CSMD3: variants seen among roughly 807,000 people sequenced by gnomAD.
CSMD3 encodes the protein CUB and Sushi multiple domains 3.
In CSMD3, 177 loss-of-function variants were observed where a neutral mutation model predicts 435.2. The observed-to-expected ratio is 0.41, with a 90% confidence interval of 0.36 to 0.46. The LOEUF (loss-of-function observed/expected upper bound fraction) is 0.46, where lower values mean the gene tolerates loss of function less well. Ranked by LOEUF, CSMD3 falls within the 20% of genes least tolerant of loss-of-function variation. CSMD3 has a pLI of 0.34. For synonymous variants in CSMD3, 1,656 were observed against 1,520.5 expected, an observed-to-expected ratio of 1.09 and a Z score of -2.07; for missense variants, 4,265 against 4,504.6, an observed-to-expected ratio of 0.95 and a Z score of 1.52.
chr8:113,111,407 T>G (rs543759837), intron 4 of CSMD3, among the ~76,000 whole-genome samples: 17 of 152,144 alleles, frequency 1.1e-4, no homozygotes, highest in Non-Finnish European at 2.1e-4. Context: ...TGTTATTGCC[T>G]GTAGACTCCC....
intron 22 of CSMD3, among the ~76,000 whole-genome samples, chr8:112,613,641 G>C (rs1014484293): frequency 6.6e-6 from 1 of 152,118 alleles, no homozygotes; most frequent in Non-Finnish European, 1.5e-5. Flanking sequence ...ATACTATGGA[G>C]TGATTGTAGG....
chr8:112,287,276 A>T (rs754798012), intron 57 of CSMD3, 30 bp from the exon 58 acceptor site: 2 of 1,609,194 alleles, frequency 1.2e-6, no homozygotes, highest in Non-Finnish European at 1.7e-6. Context: ...AAGTTAACCA[A>T]TTCCCATAAA....
rs967217750 is a variant in CSMD3 at position 112,408,540 on chromosome 8, T to C, written c.5510-127A>G. On this transcript the variant is annotated intron_variant, in intron 33 of 70. Transcript: ENST00000297405. ...TATGTTCTATCAAATTACTTTAAAATATCCTACAACTACCAATATATTTCC... is the reference window on the plus strand; with the variant it reads ...TATGTTCTATCAAATTACTTTAAAACATCCTACAACTACCAATATATTTCC... 8 of 734,784 alleles carry C rather than the reference T, an allele frequency of 1.1e-5. No individual in the cohort carries two copies. The Admixed American group carries it at 1.4e-4, about 13-fold the overall frequency. 45.5% of individuals were successfully genotyped at this position (734,784 alleles called of 1,614,324 possible). A position where few individuals can be genotyped will look rare whatever the true frequency, so the allele number is the denominator to read the frequency against.
intron 70 of CSMD3, 141 bp downstream of exon 70, chr8:112,228,615 A>G (rs1812793212): frequency 1.3e-6 from 1 of 794,896 alleles, no homozygotes; most frequent in Non-Finnish European, 2.0e-6. Flanking sequence ...TAAATTTTTC[A>G]GTGTCTATGA....
intron 6 of CSMD3, among the ~76,000 whole-genome samples, chr8:113,009,340 T>C (rs566012581): frequency 6.6e-6 from 1 of 151,874 alleles, no homozygotes; most frequent in South Asian, 2.1e-4. Context: ...TCCTGAGATA[T>C]TAAGTAATCT....
At chr8:113,005,495 AT>A (rs1048221995) in intron 6 of CSMD3, among the ~76,000 whole-genome samples, 9 of 152,144 alleles carry the variant, frequency 5.9e-5, no homozygotes, top group African/African-American at 1.7e-4. Context: ...CTTAAAAAAA[AT>A]GTAACATCAA....
At chr8:112,869,880 T>G (rs2081083003) in intron 10 of CSMD3, among the ~76,000 whole-genome samples, 2 of 151,868 alleles carry the variant, frequency 1.3e-5, no homozygotes, top group South Asian at 4.2e-4. Context: ...CCGGGCCTGT[T>G]GGGGTGGGGG....
intron 1 of CSMD3, among the ~76,000 whole-genome samples, chr8:113,430,115 TCA>T (rs1489520170): frequency 6.6e-6 from 1 of 152,184 alleles, no homozygotes; most frequent in Admixed American, 6.5e-5. Context: ...AGCAGCAGTT[TCA>T]CAGTGTTTCT....
intron 4 of CSMD3, among the ~76,000 whole-genome samples, chr8:113,100,231 A>AT (rs1340900977): frequency 6.6e-6 from 1 of 152,074 alleles, no homozygotes; most frequent in Non-Finnish European, 1.5e-5. Context: ...CACTAAATAT[A>AT]TTTTTTAAAA....
intron 16 of CSMD3, among the ~76,000 whole-genome samples, chr8:112,668,817 A>C (rs1432916120): frequency 6.6e-6 from 1 of 151,866 alleles, no homozygotes; most frequent in Non-Finnish European, 1.5e-5. Flanking sequence ...CTCATCATTA[A>C]AGTGACTCTC....
intron 7 of CSMD3, among the ~76,000 whole-genome samples, chr8:112,975,558 T>G (rs892556980): frequency 6.6e-6 from 1 of 152,126 alleles, no homozygotes; most frequent in East Asian, 1.9e-4. Flanking sequence ...ATTTGGTACT[T>G]GTTTTTACTG....
At chr8:113,208,812 T>C (rs2092800372) in intron 3 of CSMD3, among the ~76,000 whole-genome samples, 1 of 152,052 alleles carries the variant, frequency 6.6e-6, no homozygotes, top group African/African-American at 2.4e-5. Context: ...AGGGTACATG[T>C]AGTGAATATG....
At chr8:113,018,585 T>G (rs1169098999) in intron 6 of CSMD3, among the ~76,000 whole-genome samples, 1 of 152,176 alleles carries the variant, frequency 6.6e-6, no homozygotes. Flanking sequence ...TTTTTCAAGT[T>G]AATGCATCAA....
chr8:112,733,673 A>G (rs1023010695), intron 13 of CSMD3, among the ~76,000 whole-genome samples: 11 of 152,018 alleles, frequency 7.2e-5, no homozygotes, highest in Non-Finnish European at 1.5e-4. Flanking sequence ...GTATTTTGAA[A>G]GGACCTTTTA....
rs1416371068 is a variant in CSMD3 at position 112,899,798 on chromosome 8, C to T, written c.1633+21829G>A. On this transcript the variant is annotated intron_variant, in intron 10 of 70. Coordinates refer to ENST00000297405, the MANE Select transcript of CSMD3 (RefSeq NM_198123.2). ...CAATCTCAAGTGCACAATGTACGAA[C>T]AACCAGTGTCATATATATATATATG... is the stretch of plus-strand genomic sequence containing the variant. Among the ~76,000 whole-genome samples the T allele has an allele frequency of 2.0e-5, 3 of 146,410 alleles. No homozygotes were observed. In the Admixed American group the frequency reaches 2.1e-4, roughly 10 times the overall value.
intron 2 of CSMD3, among the ~76,000 whole-genome samples, chr8:113,279,450 G>A (rs1195078235): frequency 3.3e-5 from 5 of 151,334 alleles, no homozygotes; most frequent in Non-Finnish European, 7.4e-5. Flanking sequence ...ATTTCAAATT[G>A]GTATTCACTC....
At chr8:113,016,864 TA>T (rs1200316746) in intron 6 of CSMD3, among the ~76,000 whole-genome samples, 6 of 151,940 alleles carry the variant, frequency 3.9e-5, no homozygotes, top group African/African-American at 2.4e-5. Context: ...AGTACACATA[TA>T]TTTTTTAATT....
chr8:112,491,640 C>T (rs28408170), intron 31 of CSMD3, among the ~76,000 whole-genome samples: 30,423 of 152,076 alleles, frequency 0.2, 3,721 homozygotes, highest in East Asian at 0.39. Flanking sequence ...CAGAGCCAGA[C>T]TCCACCTCAA....
chr8:112,952,067 A>G (rs1350019875), intron 8 of CSMD3, among the ~76,000 whole-genome samples: 2 of 151,432 alleles, frequency 1.3e-5, no homozygotes. Flanking sequence ...TTTTTTTTAA[A>G]TCTATAGTTT....
Sources: allele counts gnomAD v4.1 joint callset (sites outside exome capture counted in the v4.1 genomes callset), GRCh38; gene constraint gnomAD v4.1.1; transcripts MANE v1.5; gene names NCBI Gene and HGNC (gene_info 2026-07-23, HGNC 2026-07-21).